LAMC3: variants seen among roughly 807,000 people sequenced by gnomAD.
The protein encoded by LAMC3 is laminin subunit gamma 3.
A neutral mutation model predicts 173.8 loss-of-function variants in LAMC3; 128 were observed. The ratio of observed to expected loss-of-function variants is 0.74; its 90% CI spans 0.64 to 0.85. LAMC3 has a LOEUF of 0.85. Among genes scored for constraint, LAMC3 ranks in the 40% least tolerant of loss-of-function variants. LAMC3 has a pLI of 0.00. For synonymous variants in LAMC3, 897 were observed against 909.1 expected, an observed-to-expected ratio of 0.99 and a Z score of 0.24; for missense variants, 2,022 against 2,156.0, an observed-to-expected ratio of 0.94 and a Z score of 1.23.
rs1320903009 is a variant in LAMC3 at position 131,071,615 on chromosome 9, C to T, written c.3201C>T (p.His1067=). 6.3e-7 allele frequency: 1 copy of T among 1,588,860 alleles called. No individual in the cohort carries two copies. The highest frequency in any genetic ancestry group is 8.6e-7 in the Non-Finnish European group (1 of 1,164,496). Residue 1067 remains histidine, a synonymous_variant, in exon 18 of 28, where the codon CAC becomes CAT. Transcript: ENST00000361069. ...APRGDVYQGH[H]LLPGAREAFL... ...GGGGGGACGTCTACCAGGGCCATCACCTGCTTCCAGGTACAGCAGGAGCGC... is the reference window on the plus strand; with the variant it reads ...GGGGGGACGTCTACCAGGGCCATCATCTGCTTCCAGGTACAGCAGGAGCGC...
intron 13 of LAMC3, among the ~76,000 whole-genome samples, chr9:131,065,348 C>T (rs7863187): frequency 0.086 from 13,068 of 152,160 alleles, 1,788 homozygotes; most frequent in African/African-American, 0.29. Context: ...CCAGAAAGCC[C>T]AGGTCAAACC....
chr9:131,062,093 T>C (rs572974351), intron 13 of LAMC3, among the ~76,000 whole-genome samples: 2 of 152,226 alleles, frequency 1.3e-5, no homozygotes, highest in Non-Finnish European at 2.9e-5. Flanking sequence ...CCGGGCATGG[T>C]GACTCATGCC....
intron 17 of LAMC3, among the ~76,000 whole-genome samples, chr9:131,070,906 A>G (rs1284922626): frequency 6.6e-6 from 1 of 152,196 alleles, no homozygotes; most frequent in Non-Finnish European, 1.5e-5. Flanking sequence ...TCGAGTGAGG[A>G]ATGGAATGCC....
In LAMC3 at chr9:131,009,554, T is replaced by G. The variant is rs764924966; in HGVS notation, c.340T>G (p.Tyr114Asp). The change falls in exon 1 of 28, where the codon TAC becomes GAC. Residue 114 changes from tyrosine (Y) to aspartate (D), a missense_variant. Transcript: ENST00000361069. This position sits in a 1 kb window ranked among gnomAD's most constrained non-coding sequence, Gnocchi z 4.3. ...CCCGTCCATGGCCTTCGGCGTGCAG[T>G]ACCCCACCTCGGTCAACATCACCCT... ...QSPSMAFGVQ[Y>D]PTSVNITLRL... 3.3e-5 allele frequency: 52 copies of G among 1,570,100 alleles called. No homozygotes were observed. The African/African-American group carries it at 6.9e-4, about 21-fold the overall frequency.
chr9:131,037,566 C>G (rs1251800835), intron 4 of LAMC3, among the ~76,000 whole-genome samples: 1 of 152,180 alleles, frequency 6.6e-6, no homozygotes, highest in Non-Finnish European at 1.5e-5. Flanking sequence ...TGCAGTGGCC[C>G]AATCATAGCT....
At chr9:131,063,780 G>A (rs1829875540) in intron 13 of LAMC3, among the ~76,000 whole-genome samples, 1 of 152,144 alleles carries the variant, frequency 6.6e-6, no homozygotes, top group Admixed American at 6.5e-5. Flanking sequence ...CCCCTTTCCT[G>A]TCTAATTTTA....
At position 131,031,930 on chromosome 9, in the gene LAMC3, G is replaced by A. The variant is rs539793636; in HGVS notation, c.679-115G>A. 7 of 1,588,760 alleles carry A rather than the reference G, an allele frequency of 4.4e-6. No individual in the cohort carries two copies. The Admixed American group carries it at 5.0e-5, about 11-fold the overall frequency. Reference sequence around the variant, plus strand: ...CTCAGAATTGGCCTGAGCTCGGCCTGTTCCTGTGTCCCAGGAGCTCCCGGG... The same window carrying A: ...CTCAGAATTGGCCTGAGCTCGGCCTATTCCTGTGTCCCAGGAGCTCCCGGG... On this transcript the variant is annotated intron_variant, in intron 2 of 27. Transcript: ENST00000361069.
In LAMC3 at chr9:131,071,566, A is replaced by T. The variant is rs1377425408; in HGVS notation, c.3152A>T (p.Asp1051Val). 6.2e-7 allele frequency: 1 copy of T among 1,611,930 alleles called. No individual in the cohort carries two copies. Among genetic ancestry groups the T allele is most frequent in the Non-Finnish European group, 8.5e-7 (1 of 1,178,746 alleles). Reference sequence around the variant, plus strand: ...TGTGGCAGTCCCTGGGGACCACTAGACATTCTGCTGGGAGAGGCCCCAAGG... The same window carrying T: ...TGTGGCAGTCCCTGGGGACCACTAGTCATTCTGCTGGGAGAGGCCCCAAGG... ...SDCGSPWGPL[D>V]ILLGEAPRGD... Residue 1051 changes from aspartate (D) to valine (V), a missense_variant, in exon 18 of 28, where the codon GAC becomes GTC. Asp to Val is a radical substitution (Grantham distance 152). Coordinates refer to ENST00000361069, the MANE Select transcript of LAMC3 (RefSeq NM_006059.4).
chr9:131,040,210 C>T lies in LAMC3; in HGVS notation c.1283+962C>T, dbSNP rs544295710. Among the ~76,000 whole-genome samples, 11 of 151,700 alleles carry T rather than the reference C, an allele frequency of 7.3e-5. No individual in the cohort carries two copies. In the East Asian group the frequency reaches 1.7e-3, roughly 24 times the overall value. On this transcript the variant is annotated intron_variant, in intron 6 of 27. Coordinates refer to ENST00000361069, the MANE Select transcript of LAMC3 (RefSeq NM_006059.4). ...TTTTTTTTTTTAAGATGGAGTCCTCCTCTGTCACCCAGGCTGAAGTGCAGT... is the reference window on the plus strand; with the variant it reads ...TTTTTTTTTTTAAGATGGAGTCCTCTTCTGTCACCCAGGCTGAAGTGCAGT...
intron 1 of LAMC3, among the ~76,000 whole-genome samples, chr9:131,023,847 ACTC>A (rs1441757941): frequency 1.7e-4 from 25 of 151,396 alleles, no homozygotes; most frequent in African/African-American, 5.8e-4. Flanking sequence ...CAAGCAATCT[ACTC>A]CTCCTTTGTC....
Position 131,057,111 on chromosome 9 carries a change from A to C in LAMC3, c.2122A>C (p.Thr708Pro). The C allele has an allele frequency of 2.5e-6, 4 of 1,614,104 alleles. No homozygotes were observed. Among genetic ancestry groups the C allele is most frequent in the Non-Finnish European group, 3.4e-6 (4 of 1,180,028 alleles). Residue 708 changes from threonine (T) to proline (P), a missense_variant, in exon 12 of 28, where the codon ACC (threonine) becomes CCC (proline). Physicochemically the swap from Thr to Pro is conservative, Grantham distance 38. Coordinates refer to ENST00000361069, the MANE Select transcript of LAMC3 (RefSeq NM_006059.4). ...TCCCTATGCCAGCTGTGTCCCCTGC[A>C]CCTGTAACCAGCATGGCACCTGTGA... The part of the protein sequence containing the change: ...GGPYASCVPC[T>P]CNQHGTCDPN...
chr9:131,048,336 C>T (rs541086423), intron 8 of LAMC3, among the ~76,000 whole-genome samples: 55 of 152,276 alleles, frequency 3.6e-4, no homozygotes, highest in Non-Finnish European at 6.2e-4. Flanking sequence ...GGATTACAGG[C>T]ATGAGCCACT....
Position 131,045,645 on chromosome 9 carries a change from A to G in LAMC3, c.1504A>G (p.Ser502Gly). Reference sequence around the variant, plus strand: ...CCAGTTCCAGGTGCATCACATCCTCAGCGATTTCCACCAGGGTAAGAGATG... The same window carrying G: ...CCAGTTCCAGGTGCATCACATCCTCGGCGATTTCCACCAGGGTAAGAGATG... ...TAQFQVHHIL[S>G]DFHQGAEGWW... The change falls in exon 8 of 28, where the codon AGC becomes GGC. Residue 502 changes from serine (S) to glycine (G), a missense_variant. Ser to Gly is a moderately conservative substitution (Grantham distance 56, BLOSUM62 0). Coordinates refer to ENST00000361069, the MANE Select transcript of LAMC3 (RefSeq NM_006059.4). 1 of 1,614,178 alleles carries G rather than the reference A, an allele frequency of 6.2e-7. No individual in the cohort carries two copies.
rs936175150 is a variant in LAMC3, at chr9:131,029,825, C to T, written c.679-2220C>T. Among the ~76,000 whole-genome samples the T allele has an allele frequency of 3.9e-5, 6 of 152,174 alleles. No homozygotes were observed. Among genetic ancestry groups the T allele is most frequent in the African/African-American group, 1.4e-4 (6 of 41,446 alleles). On this transcript the variant is annotated intron_variant, in intron 2 of 27. Transcript: ENST00000361069. This position sits in a 1 kb window ranked among gnomAD's most constrained non-coding sequence, Gnocchi z 4.6. The stretch of plus-strand genomic sequence containing the variant: ...TAGAGCCCAAGCTGTCCACCTCCTG[C>T]TTCTCCTTAATGCCATGGCCTGAGT...
chr9:131,045,660 G>A lies in LAMC3; in HGVS notation c.1519G>A (p.Gly507Arg). The change falls in exon 8 of 28, where the codon GGA becomes AGA. Residue 507 changes from glycine to arginine, a missense_variant and splice_region_variant. Gly to Arg is a moderately radical substitution (Grantham distance 125). Coordinates refer to ENST00000361069, the MANE Select transcript of LAMC3 (RefSeq NM_006059.4). ...TCACATCCTCAGCGATTTCCACCAG[G>A]GTAAGAGATGCTCCCTGCAAACGCC... ...VHHILSDFHQ[G>R]AEGWWARSVG... 6.2e-7 allele frequency: 1 copy of A among 1,614,082 alleles called. No individual in the cohort carries two copies. The highest frequency in any genetic ancestry group is 8.5e-7 in the Non-Finnish European group (1 of 1,180,036).
chr9:131,083,785 C>G (rs1007765839), intron 24 of LAMC3, among the ~76,000 whole-genome samples: 1 of 145,386 alleles, frequency 6.9e-6, no homozygotes, highest in Non-Finnish European at 1.5e-5. Context: ...TGGAACAATT[C>G]TATAATATTA....
At chr9:131,032,507 G>T (rs535869866) in intron 3 of LAMC3, among the ~76,000 whole-genome samples, 30 of 82,452 alleles carry the variant, frequency 3.6e-4, no homozygotes, top group African/African-American at 1.0e-3. Context: ...TCTCTCACTC[G>T]CTCTCTCTCT....
At chr9:131,058,464 G>C (rs1450068291) in intron 12 of LAMC3, among the ~76,000 whole-genome samples, 1 of 151,812 alleles carries the variant, frequency 6.6e-6, no homozygotes, top group Non-Finnish European at 1.5e-5. Context: ...AAGGTCACAT[G>C]GCCAGGAGGC....
At chr9:131,041,489 C>T in intron 6 of LAMC3, 148 bp from the exon 7 acceptor site, 1 of 723,504 alleles carries the variant, frequency 1.4e-6, no homozygotes, top group African/African-American at 1.7e-5. Flanking sequence ...ACTTCCTTGG[C>T]AAGATGGGAA....
Sources: allele counts gnomAD v4.1 joint callset (sites outside exome capture counted in the v4.1 genomes callset), GRCh38; gene constraint gnomAD v4.1.1; non-coding constraint Gnocchi (gnomAD v3.1); transcripts MANE v1.5; gene names NCBI Gene and HGNC (gene_info 2026-07-23, HGNC 2026-07-21).